The following RILPL1 variants were observed in gnomAD, a reference collection of about 807,000 sequenced individuals.
The protein encoded by RILPL1 is RILP-like protein 1.
A neutral mutation model predicts 50.3 loss-of-function variants in RILPL1; 33 were observed. The observed-to-expected ratio is 0.66, with a 90% CI of 0.50 to 0.88. The LOEUF is 0.88. RILPL1 is among the 40% of genes least tolerant of loss of function. RILPL1 has a pLI of 0.00. For synonymous variants in RILPL1, 205 were observed against 228.6 expected (o/e 0.90, Z 0.93); for missense variants, 418 against 542.5 (o/e 0.77, Z 2.28).
chr12:123,518,746 G>A (rs1418617810), intron 2 of RILPL1, among the ~76,000 whole-genome samples: 1 of 152,012 alleles, frequency 6.6e-6, no homozygotes, highest in African/African-American at 2.4e-5. Flanking sequence ...ACTGGGTTCA[G>A]TAAAATATAT....
intron 6 of RILPL1, 151 bp from the exon 7 acceptor site, chr12:123,472,833 G>A: frequency 2.7e-6 from 2 of 752,552 alleles, no homozygotes; most frequent in Non-Finnish European, 4.3e-6. Flanking sequence ...GCAGGTCAAA[G>A]TTATTCCAAG....
intron 1 of RILPL1, among the ~76,000 whole-genome samples, chr12:123,532,797 G>A (rs1256809478): frequency 1.3e-5 from 2 of 149,772 alleles, no homozygotes; most frequent in Admixed American, 1.4e-4. Flanking sequence ...GTCTGGAAGA[G>A]AATAATATGT....
intron 4 of RILPL1, among the ~76,000 whole-genome samples, chr12:123,496,998 A>G (rs1479580732): frequency 1.3e-5 from 2 of 152,110 alleles, no homozygotes; most frequent in Admixed American, 6.6e-5. Flanking sequence ...TTCTGGCTCT[A>G]TGGATTTGCC....
In RILPL1 at chr12:123,523,569, T is replaced by G. The variant is rs1048810140; in HGVS notation, c.386A>C (p.Glu129Ala). The stretch of plus-strand genomic sequence containing the variant: ...GAGGTTGGTCATGAGCTGCTTGTTC[T>G]CCTCCTGCAGCTGGGCGATCTGGGA... The part of the protein sequence containing the change: ...LLSQIAQLQE[E>A]NKQLMTNLSH... The change falls in exon 2 of 7, where the codon GAG becomes GCG. Residue 129 changes from glutamate (E) to alanine (A), a missense_variant. Coordinates refer to ENST00000376874, the MANE Select transcript of RILPL1 (RefSeq NM_178314.5). The G allele has an allele frequency of 6.2e-7, 1 of 1,613,834 alleles. No individual in the cohort carries two copies. Among genetic ancestry groups the G allele is most frequent in the African/African-American group, 1.3e-5 (1 of 74,942 alleles).
intron 1 of RILPL1, among the ~76,000 whole-genome samples, chr12:123,527,118 G>C (rs987859501): frequency 2.0e-5 from 3 of 152,058 alleles, no homozygotes; most frequent in Admixed American, 2.0e-4. Context: ...ATTGATTTAG[G>C]CTAGGAGTTT....
chr12:123,489,322 G>C lies in RILPL1; in HGVS notation c.802-3517C>G, dbSNP rs889569843. ...GGATCACCTGAAGTCAGGAGTTCGA[G>C]ACCAGCCTGGACAACATGGTGAAAC... On this transcript the variant is annotated intron_variant, in intron 4 of 6. Transcript: ENST00000376874. The surrounding 1 kb of genome is among the most constrained non-coding windows in gnomAD (Gnocchi z 4.0). Among the ~76,000 whole-genome samples, 2 of 152,134 alleles carry C rather than the reference G, an allele frequency of 1.3e-5. No individual in the cohort carries two copies. The highest frequency in any genetic ancestry group is 4.8e-5 in the African/African-American group (2 of 41,436).
intron 5 of RILPL1, 74 bp from the exon 6 acceptor site, chr12:123,484,346 T>G (rs1287895109): frequency 2.8e-5 from 28 of 997,376 alleles, no homozygotes; most frequent in Non-Finnish European, 4.3e-5. Flanking sequence ...AGAAGAGAAG[T>G]GTCTGATGGT....
intron 4 of RILPL1, among the ~76,000 whole-genome samples, chr12:123,488,322 TC>T (rs2139322678): frequency 7.5e-6 from 1 of 132,904 alleles, no homozygotes; most frequent in Non-Finnish European, 1.6e-5. Context: ...GCCCCTGTAG[TC>T]CCAGTTACAT....
At chr12:123,478,761 C>T (rs774413197) in intron 6 of RILPL1, among the ~76,000 whole-genome samples, 16 of 152,144 alleles carry the variant, frequency 1.1e-4, no homozygotes, top group Non-Finnish European at 1.2e-4. Flanking sequence ...CCCTAGCCCC[C>T]GCCCTGCAAA....
In RILPL1 at chr12:123,485,527, C is replaced by A. The variant is rs537253456; in HGVS notation, c.974+106G>T. Reference sequence around the variant, plus strand: ...CCAGAGAGGGTACCCAAAAAAAACACTGATGAAATGCTTGTCTTCCAGGGG... The same window carrying A: ...CCAGAGAGGGTACCCAAAAAAAACAATGATGAAATGCTTGTCTTCCAGGGG... On this transcript the variant is annotated intron_variant, in intron 5 of 6. Transcript: ENST00000376874. The surrounding 1 kb of genome is among the most constrained non-coding windows in gnomAD (Gnocchi z 4.0). 23 of 1,086,556 alleles carry A rather than the reference C, an allele frequency of 2.1e-5. No homozygotes were observed. The highest frequency in any genetic ancestry group is 2.9e-5 in the Non-Finnish European group (22 of 751,080). The allele number at this position is 1,086,556 out of a possible 1,614,324, so 67.3% of individuals were successfully genotyped here.
chr12:123,533,600 C>G lies in RILPL1; in HGVS notation c.-118G>C, dbSNP rs1262147111. 2.5e-6 allele frequency: 2 copies of G among 794,996 alleles called. No homozygotes were observed. The highest frequency in any genetic ancestry group is 3.7e-5 in the African/African-American group (2 of 53,944). The allele number at this position is 794,996 out of a possible 1,614,324, so 49.2% of individuals were successfully genotyped here. ...GCCGCGGGCGGGCGCGCTCAGCGGGCGCTGGGGCGAGGGCGCAGCGGGCAG... is the reference window on the plus strand; with the variant it reads ...GCCGCGGGCGGGCGCGCTCAGCGGGGGCTGGGGCGAGGGCGCAGCGGGCAG... On this transcript the variant is annotated 5_prime_UTR_variant, in exon 1 of 7. Coordinates refer to ENST00000376874, the MANE Select transcript of RILPL1 (RefSeq NM_178314.5). The surrounding 1 kb of genome is among the most constrained non-coding windows in gnomAD (Gnocchi z 6.2).
chr12:123,508,706 C>T (rs1024931741), intron 2 of RILPL1, among the ~76,000 whole-genome samples: 1 of 151,888 alleles, frequency 6.6e-6, no homozygotes, highest in African/African-American at 2.4e-5. Context: ...AGTTATACCT[C>T]AATTTAAAAT....
rs879159143 is a variant in RILPL1, at chr12:123,522,612, T to G, written c.460+883A>C. Among the ~76,000 whole-genome samples the G allele has an allele frequency of 1.3e-5, 2 of 152,104 alleles. No individual in the cohort carries two copies. The highest frequency in any genetic ancestry group is 1.3e-4 in the Admixed American group (2 of 15,264). On this transcript the variant is annotated intron_variant, in intron 2 of 6. Transcript: ENST00000376874. The surrounding 1 kb of genome is among the most constrained non-coding windows in gnomAD (Gnocchi z 4.0). ...CATCTTCTGACACACTAGCCTTCTT[T>G]ATTTTTTTCATCTTACTGTCGCTCA...
rs531417673 is a variant in RILPL1 at position 123,489,240 on chromosome 12, G to A, written c.802-3435C>T. On this transcript the variant is annotated intron_variant, in intron 4 of 6. Transcript: ENST00000376874. The surrounding 1 kb of genome is among the most constrained non-coding windows in gnomAD (Gnocchi z 4.0). ...AAGATACACATAAATAGAAGCTTAAGGCCAGGTGTGGTGGCTCACACCTGT... is the reference window on the plus strand; with the variant it reads ...AAGATACACATAAATAGAAGCTTAAAGCCAGGTGTGGTGGCTCACACCTGT... 5.3e-5 allele frequency among the ~76,000 whole-genome samples: 8 copies of A among 152,310 alleles called. No homozygotes were observed. The East Asian group carries it at 7.7e-4, about 15-fold the overall frequency.
chr12:123,498,532 C>G lies in RILPL1; in HGVS notation c.801+12G>C, dbSNP rs765538534. 6.2e-7 allele frequency: 1 copy of G among 1,611,822 alleles called. No homozygotes were observed. Among genetic ancestry groups the G allele is most frequent in the East Asian group, 2.2e-5 (1 of 44,886 alleles). The stretch of plus-strand genomic sequence containing the variant: ...CCTCTGCTACCACCTCTGCACCCAG[C>G]TTCCTGCTCACCTCAGGCTCCTCCT... On this transcript the variant is annotated intron_variant, in intron 4 of 6. Coordinates refer to ENST00000376874, the MANE Select transcript of RILPL1 (RefSeq NM_178314.5). This position sits in a 1 kb window ranked among gnomAD's most constrained non-coding sequence, Gnocchi z 4.3.
chr12:123,516,528 C>T (rs1884705521), intron 2 of RILPL1, among the ~76,000 whole-genome samples: 1 of 152,226 alleles, frequency 6.6e-6, no homozygotes, highest in Non-Finnish European at 1.5e-5. Flanking sequence ...CCTCTGGGGG[C>T]ACTTCTTTCA....
rs1271662190 is a variant in RILPL1 at position 123,489,221 on chromosome 12, C to T, written c.802-3416G>A. On this transcript the variant is annotated intron_variant, in intron 4 of 6. Coordinates refer to ENST00000376874, the MANE Select transcript of RILPL1 (RefSeq NM_178314.5). This position sits in a 1 kb window ranked among gnomAD's most constrained non-coding sequence, Gnocchi z 4.0. ...GACAGATGGGGCTGAAGAGAAGATA[C>T]ACATAAATAGAAGCTTAAGGCCAGG... Among the ~76,000 whole-genome samples, 2 of 152,074 alleles carry T rather than the reference C, an allele frequency of 1.3e-5. No homozygotes were observed. Among genetic ancestry groups the T allele is most frequent in the African/African-American group, 4.8e-5 (2 of 41,414 alleles).
In RILPL1 at chr12:123,485,737, G is replaced by A. The variant is rs761878404; in HGVS notation, c.870C>T (p.Asn290=). Residue 290 remains asparagine, a synonymous_variant, in exon 5 of 7, where the codon AAC becomes AAT. Coordinates refer to ENST00000376874, the MANE Select transcript of RILPL1 (RefSeq NM_178314.5). This position sits in a 1 kb window ranked among gnomAD's most constrained non-coding sequence, Gnocchi z 4.0. ...GCTCCTGCAGGGTGAACCGGGGGCG[G>A]TTGGGGTCCTTGAGATCCATGGCCA... ...EKVAMDLKDP[N]RPRFTLQELR... 1.2e-6 allele frequency: 2 copies of A among 1,613,178 alleles called. No homozygotes were observed. The highest frequency in any genetic ancestry group is 1.7e-6 in the Non-Finnish European group (2 of 1,179,562).
chr12:123,520,154 C>T (rs187566807), intron 2 of RILPL1, among the ~76,000 whole-genome samples: 46 of 152,318 alleles, frequency 3.0e-4, no homozygotes, highest in African/African-American at 9.9e-4. Context: ...CACAGCAGCA[C>T]GATTCACAAC....
Sources: gnomAD v4.1 joint callset for allele counts (sites outside exome capture counted in the v4.1 genomes callset) on GRCh38, gnomAD v4.1.1 for gene constraint, Gnocchi (gnomAD v3.1) non-coding constraint, MANE v1.5 for transcripts, NCBI Gene and HGNC (gene_info 2026-07-23, HGNC 2026-07-21) for gene names.